Variants in SGCZ observed in about 807,000 individuals in gnomAD.
SGCZ encodes sarcoglycan zeta, also known as zeta-sarcoglycan.
Under a neutral mutation model 41.3 loss-of-function variants are expected in SGCZ, and 40 were observed. The ratio of observed to expected loss-of-function variants is 0.97; its 90% CI spans 0.75 to 1.26. SGCZ has a LOEUF of 1.26. Ranked by LOEUF, SGCZ falls within the 50% of genes most tolerant of loss-of-function variation. SGCZ has a pLI of 0.00. For missense variants in SGCZ, 552 were observed against 369.8 expected, an observed-to-expected ratio of 1.49 and a Z score of -4.04; for synonymous variants, 206 against 137.5, an observed-to-expected ratio of 1.50 and a Z score of -3.49.
intron 3 of SGCZ, among the ~76,000 whole-genome samples, chr8:14,245,322 C>T (rs34522499): frequency 0.33 from 49,854 of 151,920 alleles, 8,583 homozygotes; most frequent in Non-Finnish European, 0.39. Flanking sequence ...TTTGACAAAC[C>T]TGACAAAAAC....
intron 1 of SGCZ, among the ~76,000 whole-genome samples, chr8:14,630,711 G>A (rs1233976236): frequency 1.3e-5 from 2 of 151,938 alleles, no homozygotes; most frequent in East Asian, 1.9e-4. Context: ...ATGAGTTCAT[G>A]TCCTTTGTAG....
chr8:14,221,607 T>C (rs1458390245), intron 4 of SGCZ, among the ~76,000 whole-genome samples: 3 of 152,188 alleles, frequency 2.0e-5, no homozygotes, highest in Non-Finnish European at 4.4e-5. Flanking sequence ...TGTGTATATG[T>C]TAATCCCACA....
chr8:14,140,091 A>G (rs1803320560), intron 5 of SGCZ, among the ~76,000 whole-genome samples: 1 of 152,234 alleles, frequency 6.6e-6, no homozygotes, highest in African/African-American at 2.4e-5. Context: ...GTTTCAATAG[A>G]TGCAGAAAAT....
intron 3 of SGCZ, among the ~76,000 whole-genome samples, chr8:14,255,463 A>G (rs1799428232): frequency 6.6e-6 from 1 of 152,150 alleles, no homozygotes; most frequent in African/African-American, 2.4e-5. Context: ...ACCAACATGT[A>G]AAAAAATTTC....
At chr8:14,775,611 AAC>A (rs1340600180) in intron 1 of SGCZ, among the ~76,000 whole-genome samples, 1 of 152,154 alleles carries the variant, frequency 6.6e-6, no homozygotes, top group Non-Finnish European at 1.5e-5. Context: ...TTAACCATAT[AAC>A]ACAGTACATA....
At chr8:14,635,445 C>G (rs896151103) in intron 1 of SGCZ, among the ~76,000 whole-genome samples, 1 of 151,816 alleles carries the variant, frequency 6.6e-6, no homozygotes. Flanking sequence ...TGTATAAAGC[C>G]AAGTGTTATG....
chr8:14,380,991 A>G (rs1000682499), intron 2 of SGCZ, among the ~76,000 whole-genome samples: 3 of 152,214 alleles, frequency 2.0e-5, no homozygotes, highest in Non-Finnish European at 4.4e-5. Flanking sequence ...CGTTCTTAGC[A>G]TATTCTTTCC....
chr8:14,876,597 G>A (rs73666910), intron 1 of SGCZ, among the ~76,000 whole-genome samples: 10 of 152,184 alleles, frequency 6.6e-5, no homozygotes, highest in South Asian at 2.1e-4. Flanking sequence ...GAAATATCTC[G>A]CCGTAAAGCT....
Position 14,992,655 on chromosome 8 carries a change from G to A in SGCZ, c.39+244930C>T, listed in dbSNP as rs528025219. ...TATTTACCCCCCACCCATCCTCCTC[G>A]TTCAATCTACTCCCAAAACGAGTGT... On this transcript the variant is annotated intron_variant, in intron 1 of 7. Coordinates refer to ENST00000382080, the MANE Select transcript of SGCZ (RefSeq NM_139167.4). Among the ~76,000 whole-genome samples the A allele has an allele frequency of 7.0e-3, 253 of 35,944 alleles. 4 individuals carry two copies. Among genetic ancestry groups the A allele is most frequent in the African/African-American group, 0.024 (210 of 8,680 alleles). 23.6% of individuals were successfully genotyped at this position (35,944 alleles called of 152,430 possible). A position where few individuals can be genotyped will look rare whatever the true frequency, so the allele number is the denominator to read the frequency against.
intron 2 of SGCZ, among the ~76,000 whole-genome samples, chr8:14,523,532 A>C (rs887085914): frequency 2.0e-5 from 3 of 152,154 alleles, no homozygotes; most frequent in African/African-American, 7.2e-5. Context: ...GAAATCTGTC[A>C]TTCATATTCT....
intron 4 of SGCZ, among the ~76,000 whole-genome samples, chr8:14,224,362 C>G (rs1173407838): frequency 2.6e-5 from 4 of 152,006 alleles, no homozygotes; most frequent in African/African-American, 9.7e-5. Context: ...AAGATTAGTA[C>G]CAGGTACTAT....
chr8:14,212,953 G>T (rs935443577), intron 4 of SGCZ, among the ~76,000 whole-genome samples: 6 of 152,022 alleles, frequency 3.9e-5, no homozygotes, highest in African/African-American at 1.2e-4. Context: ...GGGATTAATA[G>T]TAGAATGGAA....
intron 2 of SGCZ, among the ~76,000 whole-genome samples, chr8:14,394,530 G>C (rs1804910939): frequency 6.6e-6 from 1 of 152,124 alleles, no homozygotes; most frequent in Non-Finnish European, 1.5e-5. Flanking sequence ...TACATCTTGA[G>C]ACAAAGTTTG....
chr8:15,101,275 T>C (rs1362115700), intron 1 of SGCZ, among the ~76,000 whole-genome samples: 2 of 152,148 alleles, frequency 1.3e-5, no homozygotes, highest in Non-Finnish European at 2.9e-5. Context: ...TGCTTTGTAA[T>C]AGACACTGGT....
intron 1 of SGCZ, among the ~76,000 whole-genome samples, chr8:14,744,665 G>A (rs538585209): frequency 6.6e-6 from 1 of 152,230 alleles, no homozygotes; most frequent in Non-Finnish European, 1.5e-5. Context: ...CTGGCTCAGA[G>A]AAAGCTTAAT....
chr8:14,811,583 G>A (rs907857412), intron 1 of SGCZ, among the ~76,000 whole-genome samples: 2 of 138,870 alleles, frequency 1.4e-5, no homozygotes, highest in Non-Finnish European at 3.1e-5. Context: ...TGTTATGGGA[G>A]AGGGCCAGAA....
intron 1 of SGCZ, among the ~76,000 whole-genome samples, chr8:15,175,219 G>C (rs149994973): frequency 6.6e-6 from 1 of 152,224 alleles, no homozygotes; most frequent in Admixed American, 6.5e-5. Context: ...CTATTGTAAA[G>C]ACACATGCAT....
At chr8:15,134,734 A>G (rs1325045596) in intron 1 of SGCZ, among the ~76,000 whole-genome samples, 1 of 152,232 alleles carries the variant, frequency 6.6e-6, no homozygotes, top group Non-Finnish European at 1.5e-5. Context: ...TTGACAAAAT[A>G]CTACAGAGAA....
chr8:14,899,612 G>A (rs73666933), intron 1 of SGCZ, among the ~76,000 whole-genome samples: 3,678 of 152,240 alleles, frequency 0.024, 146 homozygotes, highest in African/African-American at 0.084. Flanking sequence ...GAGGCTCCAG[G>A]TTGTAAATTG....
Sources: allele counts gnomAD v4.1 joint callset (sites outside exome capture counted in the v4.1 genomes callset), GRCh38; gene constraint gnomAD v4.1.1; transcripts MANE v1.5; gene names NCBI Gene and HGNC (gene_info 2026-07-23, HGNC 2026-07-21).